Variants in MKLN1 observed in about 807,000 individuals in gnomAD.
MKLN1 encodes muskelin.
A neutral mutation model predicts 99.0 loss-of-function variants in MKLN1; 18 were observed. That is an observed-to-expected ratio of 0.18 (90% CI 0.13 to 0.27). MKLN1 has a LOEUF of 0.27. Ranked by LOEUF, MKLN1 falls within the 10% of genes least tolerant of loss-of-function variation. MKLN1 has a pLI of 1.00. For synonymous variants in MKLN1, 288 were observed against 293.2 expected, an observed-to-expected ratio of 0.98 and a Z score of 0.18; for missense variants, 621 against 875.9, an observed-to-expected ratio of 0.71 and a Z score of 3.67.
At chr7:131,162,610 T>C (rs1343930166) in intron 2 of MKLN1, among the ~76,000 whole-genome samples, 1 of 152,230 alleles carries the variant, frequency 6.6e-6, no homozygotes, top group African/African-American at 2.4e-5. Flanking sequence ...GAAACACACA[T>C]GATTTTTGAA....
intron 6 of MKLN1, among the ~76,000 whole-genome samples, chr7:131,401,660 A>G (rs369543662): frequency 6.6e-6 from 1 of 152,106 alleles, no homozygotes; most frequent in Non-Finnish European, 1.5e-5. Flanking sequence ...AATTATAGGC[A>G]TATCTTGGAG....
intron 2 of MKLN1, among the ~76,000 whole-genome samples, chr7:131,156,447 CAAA>C (rs143988738): frequency 1.3e-5 from 1 of 74,668 alleles, no homozygotes; most frequent in Non-Finnish European, 2.4e-5. Context: ...GACTCTGTCT[CAAA>C]AAAAAAAAAA....
At chr7:131,187,167 G>A (rs75827950) in intron 2 of MKLN1, among the ~76,000 whole-genome samples, 1,969 of 152,264 alleles carry the variant, frequency 0.013, 101 homozygotes, top group Admixed American at 0.099. Flanking sequence ...TGTTATTCTG[G>A]CCTTCAGCAT....
intron 1 of MKLN1, among the ~76,000 whole-genome samples, chr7:131,140,866 G>A (rs1795721569): frequency 6.6e-6 from 1 of 151,502 alleles, no homozygotes; most frequent in African/African-American, 2.4e-5. Context: ...TGCAATCTCC[G>A]CCTCCCAGGT....
chr7:131,230,189 T>G (rs1023393291), intron 3 of MKLN1, among the ~76,000 whole-genome samples: 1 of 152,192 alleles, frequency 6.6e-6, no homozygotes, highest in Non-Finnish European at 1.5e-5. Context: ...AAAGTCTGTT[T>G]TGACAGTCTT....
At chr7:131,161,995 A>T (rs1796060320) in intron 2 of MKLN1, among the ~76,000 whole-genome samples, 1 of 90,496 alleles carries the variant, frequency 1.1e-5, no homozygotes, top group Non-Finnish European at 2.2e-5. Context: ...ATATATATAT[A>T]TATATGTAAC....
chr7:131,368,133 A>AC (rs1390029879), intron 1 of MKLN1, among the ~76,000 whole-genome samples: 1 of 152,192 alleles, frequency 6.6e-6, no homozygotes, highest in Non-Finnish European at 1.5e-5. Flanking sequence ...GTTAGCAGTC[A>AC]CTACCCTAAA....
intron 3 of MKLN1, among the ~76,000 whole-genome samples, chr7:131,294,709 C>T (rs1173350258): frequency 1.3e-5 from 2 of 152,154 alleles, no homozygotes; most frequent in Non-Finnish European, 2.9e-5. Context: ...TCTTCCTTTC[C>T]CTTGTGTAAC....
chr7:131,479,649 AC>A (rs1391880463), intron 17 of MKLN1, among the ~76,000 whole-genome samples: 1 of 151,670 alleles, frequency 6.6e-6, no homozygotes, highest in Non-Finnish European at 1.5e-5. Context: ...ACACAGTGAA[AC>A]CCCATCTCTA....
At chr7:131,348,432 C>T (rs940735306) in intron 1 of MKLN1, among the ~76,000 whole-genome samples, 3 of 151,876 alleles carry the variant, frequency 2.0e-5, no homozygotes, top group African/African-American at 7.3e-5. Context: ...AAACAAGGTA[C>T]ACAAGTTTTT....
chr7:131,125,450 A>C (rs1013186217), intron 1 of MKLN1, among the ~76,000 whole-genome samples: 3 of 152,260 alleles, frequency 2.0e-5, no homozygotes, highest in African/African-American at 7.2e-5. Flanking sequence ...GAGCAAGTTA[A>C]GAGAAAATAT....
chr7:131,118,671 G>A (rs1452380612), intron 1 of MKLN1, among the ~76,000 whole-genome samples: 1 of 152,190 alleles, frequency 6.6e-6, no homozygotes, highest in African/African-American at 2.4e-5. Context: ...CGCTGGGGAG[G>A]TCTCCGGAAA....
chr7:131,204,145 G>T (rs761248888), intron 3 of MKLN1, among the ~76,000 whole-genome samples: 3 of 152,116 alleles, frequency 2.0e-5, no homozygotes, highest in East Asian at 3.9e-4. Context: ...ACTAGATCTG[G>T]CCTGGGTTGA....
rs182408730 is a variant in MKLN1 at position 131,225,719 on chromosome 7, C to T, written c.-179+22745C>T. On this transcript the variant is annotated intron_variant, in intron 3 of 7. Coordinates refer to the MKLN1 transcript ENST00000416992. The stretch of plus-strand genomic sequence containing the variant: ...TCCTCTGACGTCACTGGGCTACTCT[C>T]AAGGCTCCCCGGTGGGTCTTTGCCA... Among the ~76,000 whole-genome samples the T allele has an allele frequency of 2.0e-4, 30 of 152,270 alleles. 1 individual carries two copies. The highest frequency in any genetic ancestry group is 1.2e-3 in the Admixed American group (18 of 15,292).
chr7:131,156,385 G>A (rs899237867), intron 2 of MKLN1, among the ~76,000 whole-genome samples: 2 of 150,258 alleles, frequency 1.3e-5, no homozygotes, highest in African/African-American at 4.9e-5. Context: ...AAAATTAGCC[G>A]GGCGTGGAGG....
intron 8 of MKLN1, among the ~76,000 whole-genome samples, chr7:131,417,799 TAGA>T (rs1202712004): frequency 6.6e-6 from 1 of 152,216 alleles, no homozygotes; most frequent in Non-Finnish European, 1.5e-5. Context: ...AGGGGAAGAC[TAGA>T]AGGACACATA....
At chr7:131,361,410 C>T (rs1388794845) in intron 1 of MKLN1, among the ~76,000 whole-genome samples, 1 of 151,720 alleles carries the variant, frequency 6.6e-6, no homozygotes, top group Non-Finnish European at 1.5e-5. Flanking sequence ...ACCCATCTAT[C>T]TTGCATGTTG....
At chr7:131,463,100 G>A in intron 12 of MKLN1, 117 bp from the exon 13 acceptor site, 1 of 868,588 alleles carries the variant, frequency 1.2e-6, no homozygotes, top group South Asian at 1.7e-5. Context: ...CTTCAGCTTG[G>A]GCAACAGAGT....
At chr7:131,291,580 TTATATATATA>T (rs34732483) in intron 3 of MKLN1, among the ~76,000 whole-genome samples, 1 of 145,180 alleles carries the variant, frequency 6.9e-6, no homozygotes, top group African/African-American at 2.5e-5. Flanking sequence ...CTTTCATTTA[TTATATATATA>T]TATATATATA....
Sources: allele counts gnomAD v4.1 joint callset (sites outside exome capture counted in the v4.1 genomes callset), GRCh38; gene constraint gnomAD v4.1.1; transcripts MANE v1.5; gene names NCBI Gene and HGNC (gene_info 2026-07-23, HGNC 2026-07-21).